Variants in ERBIN observed in about 807,000 individuals in gnomAD.
ERBIN encodes the protein densin-180-like protein.
Under a neutral mutation model 158.4 loss-of-function variants are expected in ERBIN, and 60 were observed. The observed-to-expected ratio is 0.38, with a 90% CI of 0.31 to 0.47. The LOEUF (loss-of-function observed/expected upper bound fraction) is 0.47, where lower values mean the gene tolerates loss of function less well. Among genes scored for constraint, ERBIN ranks in the 20% least tolerant of loss-of-function variants. The pLI is 0.99. For synonymous variants in ERBIN, 594 were observed against 557.2 expected (o/e 1.07, Z -0.93); for missense variants, 1,610 against 1,648.0 (o/e 0.98, Z 0.40).
intron 1 of ERBIN, among the ~76,000 whole-genome samples, chr5:65,928,817 A>G (rs992447236): frequency 6.6e-6 from 1 of 152,182 alleles, no homozygotes; most frequent in Non-Finnish European, 1.5e-5. Flanking sequence ...GTATTTTCGA[A>G]GCTTTGTTTA....
chr5:66,066,121 A>G (rs1760968850), intron 21 of ERBIN, among the ~76,000 whole-genome samples: 2 of 152,188 alleles, frequency 1.3e-5, no homozygotes, highest in Admixed American at 1.3e-4. Context: ...TTATTTATAT[A>G]ACAACTTTGT....
intron 1 of ERBIN, among the ~76,000 whole-genome samples, chr5:65,941,430 A>G (rs1745026939): frequency 6.6e-6 from 1 of 152,030 alleles, no homozygotes; most frequent in Non-Finnish European, 1.5e-5. Context: ...GGTATATGGG[A>G]GAATGTGCAT....
intron 14 of ERBIN, among the ~76,000 whole-genome samples, chr5:66,035,191 A>G (rs1469099703): frequency 1.3e-5 from 2 of 152,128 alleles, no homozygotes; most frequent in Non-Finnish European, 2.9e-5. Flanking sequence ...TGAAATTGCT[A>G]TCTGTATCCT....
rs571038740 is a variant in ERBIN, at chr5:65,957,229, A to T, written c.-58+30423A>T. Among the ~76,000 whole-genome samples, 813 of 141,524 alleles carry T rather than the reference A, an allele frequency of 5.7e-3. 10 individuals carry two copies. Among genetic ancestry groups the T allele is most frequent in the African/African-American group, 0.021 (667 of 32,448 alleles). The allele number at this position is 141,524 out of a possible 152,430, so 92.8% of individuals were successfully genotyped here. A position where few individuals can be genotyped will look rare whatever the true frequency, so the allele number is the denominator to read the frequency against. ...TTAAATTTTTATTTTATTTTATTTT[A>T]TTTTTTTTATTGATCATTCTTGGGT... On this transcript the variant is annotated intron_variant, in intron 1 of 25. Transcript: ENST00000284037.
chr5:66,071,321 A>G (rs1345996624), intron 21 of ERBIN, among the ~76,000 whole-genome samples: 1 of 152,168 alleles, frequency 6.6e-6, no homozygotes, highest in Non-Finnish European at 1.5e-5. Context: ...GTGAGCCTTG[A>G]TCACACCACT....
At chr5:66,031,245 A>G (rs1756842941) in intron 14 of ERBIN, among the ~76,000 whole-genome samples, 1 of 152,218 alleles carries the variant, frequency 6.6e-6, no homozygotes, top group African/African-American at 2.4e-5. Context: ...GCTATGTAGA[A>G]CAGTACATGC....
chr5:66,051,723 C>T (rs1433674125), intron 20 of ERBIN, among the ~76,000 whole-genome samples: 2 of 151,810 alleles, frequency 1.3e-5, no homozygotes, highest in East Asian at 3.9e-4. Flanking sequence ...GAAACCCCAT[C>T]TCTACCAAAA....
rs151184427 is a variant in ERBIN, at chr5:66,072,160, G to A, written c.3634-9G>A. ...ATTATTTGTTTACTTTTTATTTCCT[G>A]CTCATTAGAAGCATCCCCAGACATC... On this transcript the variant is annotated splice_polypyrimidine_tract_variant and intron_variant, in intron 21 of 25. Coordinates refer to ENST00000284037, the MANE Select transcript of ERBIN (RefSeq NM_001253697.2). The A allele has an allele frequency of 1.0e-5, 16 of 1,545,164 alleles. No individual in the cohort carries two copies. Among genetic ancestry groups the A allele is most frequent in the African/African-American group, 5.5e-5 (4 of 72,784 alleles).
At chr5:65,957,024 T>C (rs1747222104) in intron 1 of ERBIN, among the ~76,000 whole-genome samples, 2 of 152,162 alleles carry the variant, frequency 1.3e-5, no homozygotes, top group African/African-American at 4.8e-5. Flanking sequence ...TGTAGTTGTT[T>C]GGATGAGTCA....
chr5:66,043,870 G>A (rs981144184), intron 16 of ERBIN, among the ~76,000 whole-genome samples: 2 of 152,010 alleles, frequency 1.3e-5, no homozygotes, highest in South Asian at 2.1e-4. Flanking sequence ...ACAATTTTTG[G>A]CAATATTCAT....
rs1397350445 is a variant in ERBIN at position 66,076,963 on chromosome 5, A to ACC, written c.4131+14_4131+15insCC. On this transcript the variant is annotated intron_variant, in intron 25 of 25. Coordinates refer to ENST00000284037, the MANE Select transcript of ERBIN (RefSeq NM_001253697.2). Reference sequence around the variant, plus strand: ...AAAATTATTCAGGTAATTAAAATAAATCTTTTTTTTTTTCATTTTATAACA... The same window carrying ACC: ...AAAATTATTCAGGTAATTAAAATAAACCTCTTTTTTTTTTTCATTTTATAACA... 4.6e-6 allele frequency: 7 copies of ACC among 1,521,758 alleles called. No individual in the cohort carries two copies. In the East Asian group the frequency reaches 1.6e-4, roughly 35 times the overall value. The allele number at this position is 1,521,758 out of a possible 1,614,324, so 94.3% of individuals were successfully genotyped here.
intron 2 of ERBIN, among the ~76,000 whole-genome samples, chr5:65,990,916 A>G (rs1378433503): frequency 1.3e-5 from 2 of 151,644 alleles, no homozygotes; most frequent in Non-Finnish European, 2.9e-5. Flanking sequence ...ACCCGCCACC[A>G]CGCCTGGCTA....
chr5:65,959,820 T>G (rs1747715519), intron 1 of ERBIN, among the ~76,000 whole-genome samples: 1 of 152,210 alleles, frequency 6.6e-6, no homozygotes, highest in Admixed American at 6.5e-5. Flanking sequence ...CAACATGATT[T>G]TTTCTTGACT....
chr5:65,943,520 G>C (rs1745328488), intron 1 of ERBIN, among the ~76,000 whole-genome samples: 1 of 152,108 alleles, frequency 6.6e-6, no homozygotes, highest in Admixed American at 6.5e-5. Context: ...GAAAGTAGAA[G>C]CTCTCCCATC....
chr5:66,002,186 G>C (rs1580312486), intron 4 of ERBIN, among the ~76,000 whole-genome samples: 1 of 152,276 alleles, frequency 6.6e-6, no homozygotes, highest in South Asian at 2.1e-4. Context: ...GGTGTATTAT[G>C]TGCCACATTT....
At position 66,078,612 on chromosome 5, in the gene ERBIN, T is replaced by A. The variant is rs1224586714; in HGVS notation, c.*82T>A. 1 of 837,754 alleles carries A rather than the reference T, an allele frequency of 1.2e-6. No individual in the cohort carries two copies. Among genetic ancestry groups the A allele is most frequent in the African/African-American group, 1.7e-5 (1 of 57,346 alleles). 51.9% of individuals were successfully genotyped at this position (837,754 alleles called of 1,614,324 possible). On this transcript the variant is annotated 3_prime_UTR_variant, in exon 26 of 26. Coordinates refer to ENST00000284037, the MANE Select transcript of ERBIN (RefSeq NM_001253697.2). ...GGGGAAATTAATATTTTGACTATTT[T>A]TATATATAAAGAAGAACTCAAAAAA... is the stretch of plus-strand genomic sequence containing the variant.
chr5:65,927,106 G>A (rs1018108400), intron 1 of ERBIN, among the ~76,000 whole-genome samples: 54 of 151,932 alleles, frequency 3.6e-4, no homozygotes, highest in Non-Finnish European at 6.3e-4. Flanking sequence ...CAGCACAGGG[G>A]CCAGAAGTTT....
intron 1 of ERBIN, among the ~76,000 whole-genome samples, chr5:65,951,847 A>T (rs978226467): frequency 6.6e-6 from 1 of 152,204 alleles, no homozygotes; most frequent in Non-Finnish European, 1.5e-5. Flanking sequence ...CTGAAATTTA[A>T]TTGGAGGTTG....
chr5:66,038,319 GA>G, intron 14 of ERBIN, 63 bp from the exon 15 acceptor site: 2 of 1,042,262 alleles, frequency 1.9e-6, no homozygotes, highest in Non-Finnish European at 2.9e-6. Context: ...TTATGCAGAG[GA>G]ATTGCTGAAT....
Sources: allele counts gnomAD v4.1 joint callset (sites outside exome capture counted in the v4.1 genomes callset), GRCh38; gene constraint gnomAD v4.1.1; transcripts MANE v1.5; gene names NCBI Gene and HGNC (gene_info 2026-07-23, HGNC 2026-07-21).